UBE2E2: variants seen among roughly 807,000 people sequenced by gnomAD.
UBE2E2 encodes the protein ubiquitin-conjugating enzyme E2 E2.
In UBE2E2, 6 loss-of-function variants were observed where a neutral mutation model predicts 24.7. The observed-to-expected ratio is 0.24, with a 90% CI of 0.13 to 0.48. The LOEUF (loss-of-function observed/expected upper bound fraction) is 0.48, where lower values mean the gene tolerates loss of function less well. Among genes scored for constraint, UBE2E2 ranks in the 20% least tolerant of loss-of-function variants. The pLI is 0.99. For synonymous variants in UBE2E2, 104 were observed against 83.6 expected, an observed-to-expected ratio of 1.24 and a Z score of -1.33; for missense variants, 169 against 245.0, an observed-to-expected ratio of 0.69 and a Z score of 2.07.
chr3:23,223,727 G>C (rs1696732378), intron 3 of UBE2E2, among the ~76,000 whole-genome samples: 1 of 152,036 alleles, frequency 6.6e-6, no homozygotes, highest in Non-Finnish European at 1.5e-5. Flanking sequence ...GTGCTTTTGA[G>C]ATCTTACACA....
At chr3:23,561,424 G>C (rs983200216) in intron 5 of UBE2E2, among the ~76,000 whole-genome samples, 7 of 152,194 alleles carry the variant, frequency 4.6e-5, no homozygotes, top group South Asian at 4.2e-4. Flanking sequence ...CTGTTCCATT[G>C]GTCTATATCT....
At chr3:23,231,043 A>G (rs896661814) in intron 3 of UBE2E2, among the ~76,000 whole-genome samples, 5 of 152,170 alleles carry the variant, frequency 3.3e-5, no homozygotes, top group African/African-American at 1.2e-4. Context: ...TGAGAGCTCT[A>G]CCTTTAGAGG....
chr3:23,212,674 T>C (rs1696362036), intron 2 of UBE2E2, among the ~76,000 whole-genome samples: 1 of 152,138 alleles, frequency 6.6e-6, no homozygotes, highest in Admixed American at 6.5e-5. Flanking sequence ...ACTTTTATCA[T>C]ATGGGCTCGT....
At chr3:23,585,255 C>T (rs975151318) in intron 5 of UBE2E2, among the ~76,000 whole-genome samples, 6 of 151,544 alleles carry the variant, frequency 4.0e-5, no homozygotes, top group Non-Finnish European at 7.4e-5. Context: ...GCCTGTAGTC[C>T]CAGCTACTCA....
At chr3:23,343,394 G>C (rs766056096) in intron 3 of UBE2E2, among the ~76,000 whole-genome samples, 1 of 152,028 alleles carries the variant, frequency 6.6e-6, no homozygotes, top group South Asian at 2.1e-4. Flanking sequence ...TGGCCAACAT[G>C]ATGAAGCCAC....
intron 3 of UBE2E2, among the ~76,000 whole-genome samples, chr3:23,444,306 G>A (rs1250321246): frequency 2.0e-5 from 3 of 151,872 alleles, no homozygotes; most frequent in African/African-American, 7.3e-5. Context: ...TTCTTGTGGT[G>A]GTCCAGATTG....
At position 23,451,933 on chromosome 3, in the gene UBE2E2, A is replaced by G. The variant is rs181771953; in HGVS notation, c.228-47675A>G. On this transcript the variant is annotated intron_variant, in intron 3 of 5. Transcript: ENST00000396703. ...GATAAATTTTTATCATTTTTATTGA[A>G]TTATTACAGGGTTGTTTTACCATCA... is the stretch of plus-strand genomic sequence containing the variant. Among the ~76,000 whole-genome samples, 207 of 152,288 alleles carry G rather than the reference A, an allele frequency of 1.4e-3. 1 individual carries two copies. The highest frequency in any genetic ancestry group is 4.2e-3 in the Admixed American group (65 of 15,298).
intron 4 of UBE2E2, among the ~76,000 whole-genome samples, chr3:23,502,724 C>T (rs1699750603): frequency 6.6e-6 from 1 of 152,194 alleles, no homozygotes; most frequent in Non-Finnish European, 1.5e-5. Context: ...GTTAATTAAA[C>T]TTAGTATTCT....
At chr3:23,232,266 G>A (rs772012360) in intron 3 of UBE2E2, among the ~76,000 whole-genome samples, 1 of 152,192 alleles carries the variant, frequency 6.6e-6, no homozygotes, top group Non-Finnish European at 1.5e-5. Flanking sequence ...TTTAGGAGTT[G>A]TATGCCAGGA....
At chr3:23,487,733 T>C (rs564302305) in intron 3 of UBE2E2, among the ~76,000 whole-genome samples, 2 of 152,334 alleles carry the variant, frequency 1.3e-5, no homozygotes, top group East Asian at 3.9e-4. Flanking sequence ...ATTTGGACGC[T>C]TCATCTCTGG....
intron 3 of UBE2E2, among the ~76,000 whole-genome samples, chr3:23,266,050 G>A (rs1322063001): frequency 6.6e-6 from 1 of 152,196 alleles, no homozygotes; most frequent in Non-Finnish European, 1.5e-5. Context: ...GTCTGCACGT[G>A]AGATGGGTTC....
rs1553608483 is a variant in UBE2E2, at chr3:23,400,612, A to ACACACACACACACACACACATACT, written c.228-98976_228-98975insTACTCACACACACACACACACACA. Among the ~76,000 whole-genome samples, 1,088 of 110,096 alleles carry ACACACACACACACACACACATACT rather than the reference A, an allele frequency of 9.9e-3. 13 individuals carry two copies. The highest frequency in any genetic ancestry group is 0.027 in the African/African-American group (877 of 32,526). 72.2% of individuals were successfully genotyped at this position (110,096 alleles called of 152,430 possible). A position where few individuals can be genotyped will look rare whatever the true frequency, so the allele number is the denominator to read the frequency against. On this transcript the variant is annotated intron_variant, in intron 3 of 5. Coordinates refer to ENST00000396703, the MANE Select transcript of UBE2E2 (RefSeq NM_152653.4). The stretch of plus-strand genomic sequence containing the variant: ...ACAGAGAGGAGAATAAATGAAACAC[A>ACACACACACACACACACACATACT]CACACACACACACACACACACACAC...
chr3:23,222,927 T>C (rs906247069), intron 3 of UBE2E2, among the ~76,000 whole-genome samples: 5 of 152,100 alleles, frequency 3.3e-5, no homozygotes, highest in Admixed American at 1.3e-4. Context: ...CAGTGAGATA[T>C]TGCATTGTAG....
At chr3:23,378,355 A>G (rs1029337732) in intron 3 of UBE2E2, among the ~76,000 whole-genome samples, 2 of 152,114 alleles carry the variant, frequency 1.3e-5, no homozygotes, top group Non-Finnish European at 2.9e-5. Context: ...TTAAAGGTAC[A>G]TATGTGCTTT....
chr3:23,252,471 TAAAAC>T (rs1164173698), intron 3 of UBE2E2, among the ~76,000 whole-genome samples: 3 of 152,154 alleles, frequency 2.0e-5, no homozygotes, highest in African/African-American at 7.2e-5. Context: ...GGTTTGCCAG[TAAAAC>T]AAAACAAGAT....
intron 3 of UBE2E2, chr3:23,270,817 A>G (rs1282997278): frequency 2.4e-6 from 1 of 409,176 alleles, no homozygotes. Flanking sequence ...CATTTAACAC[A>G]CTCTCTTAGG....
chr3:23,244,801 G>C (rs185658777), intron 3 of UBE2E2, among the ~76,000 whole-genome samples: 4 of 152,160 alleles, frequency 2.6e-5, no homozygotes, highest in African/African-American at 7.2e-5. Context: ...TGTATACTTT[G>C]GTTCTGAAAT....
At chr3:23,440,306 C>T (rs1698277198) in intron 3 of UBE2E2, among the ~76,000 whole-genome samples, 1 of 152,132 alleles carries the variant, frequency 6.6e-6, no homozygotes, top group South Asian at 2.1e-4. Flanking sequence ...TGGGGTCTCA[C>T]TATGTTGCCC....
At chr3:23,425,340 CTCTTG>C (rs1187838275) in intron 3 of UBE2E2, among the ~76,000 whole-genome samples, 1 of 152,126 alleles carries the variant, frequency 6.6e-6, no homozygotes, top group Non-Finnish European at 1.5e-5. Context: ...TCTTCCTGCT[CTCTTG>C]TCTTTTAAAG....
Sources: gnomAD v4.1 joint callset for allele counts (sites outside exome capture counted in the v4.1 genomes callset) on GRCh38, gnomAD v4.1.1 for gene constraint, MANE v1.5 for transcripts, NCBI Gene and HGNC (gene_info 2026-07-23, HGNC 2026-07-21) for gene names.